Variants in PPP1R12B observed in about 807,000 individuals in gnomAD.
PPP1R12B encodes the protein myosin phosphatase target subunit 2.
Under a neutral mutation model 126.1 loss-of-function variants are expected in PPP1R12B, and 76 were observed. The ratio of observed to expected loss-of-function variants is 0.60; its 90% CI spans 0.50 to 0.73. The LOEUF (loss-of-function observed/expected upper bound fraction) is 0.73. Ranked by LOEUF, PPP1R12B falls within the 30% of genes least tolerant of loss-of-function variation. The pLI, the probability that PPP1R12B is intolerant of heterozygous loss-of-function variation, is 0.00. For synonymous variants in PPP1R12B, 356 were observed against 434.7 expected, an observed-to-expected ratio of 0.82 and a Z score of 2.25; for missense variants, 1,052 against 1,205.1, an observed-to-expected ratio of 0.87 and a Z score of 1.88.
intron 1 of PPP1R12B, among the ~76,000 whole-genome samples, chr1:202,365,185 C>T (rs1370814653): frequency 6.6e-6 from 1 of 152,034 alleles, no homozygotes; most frequent in East Asian, 1.9e-4. Flanking sequence ...TTTAGTGGCT[C>T]ATGCTTGTAA....
At chr1:202,385,206 TC>T (rs1662932421) in intron 1 of PPP1R12B, among the ~76,000 whole-genome samples, 1 of 152,332 alleles carries the variant, frequency 6.6e-6, no homozygotes, top group East Asian at 1.9e-4. Flanking sequence ...CAGAAAATCT[TC>T]CTTAGCATCT....
At chr1:202,471,368 T>G (rs1675855776) in intron 13 of PPP1R12B, among the ~76,000 whole-genome samples, 1 of 151,744 alleles carries the variant, frequency 6.6e-6, no homozygotes, top group South Asian at 2.1e-4. Flanking sequence ...CTTCCCCTAA[T>G]ACTAATGATG....
At chr1:202,536,319 C>A (rs115996624) in intron 18 of PPP1R12B, among the ~76,000 whole-genome samples, 6,517 of 152,188 alleles carry the variant, frequency 0.043, 374 homozygotes, top group African/African-American at 0.13. Context: ...AGGATACAAA[C>A]CTGTACAGCA....
At chr1:202,430,009 G>A (rs138043154) in intron 6 of PPP1R12B, among the ~76,000 whole-genome samples, 1 of 152,302 alleles carries the variant, frequency 6.6e-6, no homozygotes, top group African/African-American at 2.4e-5. Context: ...CTGAAACTAG[G>A]ATTTTCAAAT....
intron 18 of PPP1R12B, among the ~76,000 whole-genome samples, chr1:202,530,945 T>A (rs1333472252): frequency 6.6e-6 from 1 of 152,256 alleles, no homozygotes. Flanking sequence ...GCTGACTCTT[T>A]ACTCTAAAAT....
At chr1:202,467,773 G>A (rs1443583267) in intron 13 of PPP1R12B, among the ~76,000 whole-genome samples, 1 of 152,126 alleles carries the variant, frequency 6.6e-6, no homozygotes, top group African/African-American at 2.4e-5. Flanking sequence ...GGTATTTCTA[G>A]TTCTAGATCC....
At chr1:202,436,835 C>A (rs1415375258) in intron 9 of PPP1R12B, among the ~76,000 whole-genome samples, 1 of 151,826 alleles carries the variant, frequency 6.6e-6, no homozygotes, top group Non-Finnish European at 1.5e-5. Context: ...AAGATAGCAA[C>A]CCTTTGACCT....
intron 18 of PPP1R12B, among the ~76,000 whole-genome samples, chr1:202,507,834 C>A (rs1187963118): frequency 2.0e-5 from 3 of 152,230 alleles, no homozygotes; most frequent in Non-Finnish European, 4.4e-5. Context: ...GTATTCATTT[C>A]TCCTGTTGAT....
chr1:202,471,913 C>T lies in PPP1R12B; in HGVS notation c.1851-16620C>T, dbSNP rs534378389. 17 of 1,596,524 alleles carry T rather than the reference C, an allele frequency of 1.1e-5. No individual in the cohort carries two copies. The South Asian group carries it at 1.8e-4, about 17-fold the overall frequency. Reference sequence around the variant, plus strand: ...CATCCTTCTGTAAGCCTTGCTTTTCCTCCCGTAGGCTGGCAGAGGACAGTG... The same window carrying T: ...CATCCTTCTGTAAGCCTTGCTTTTCTTCCCGTAGGCTGGCAGAGGACAGTG... On this transcript the variant is annotated intron_variant, in intron 13 of 23. Transcript: ENST00000608999.
intron 6 of PPP1R12B, among the ~76,000 whole-genome samples, chr1:202,429,630 A>G (rs1441065452): frequency 1.3e-5 from 2 of 152,162 alleles, no homozygotes; most frequent in Admixed American, 1.3e-4. Context: ...CATATTTTTT[A>G]CTCATAAAGC....
intron 15 of PPP1R12B, among the ~76,000 whole-genome samples, chr1:202,494,361 T>C (rs1214104126): frequency 1.3e-5 from 2 of 152,300 alleles, no homozygotes; most frequent in South Asian, 2.1e-4. Context: ...AAGTAACTTA[T>C]TCAAGGTCAC....
chr1:202,589,497 CAG>C lies in PPP1R12B; in HGVS notation c.*8940_*8941del, dbSNP rs1690025280. 1 of 152,254 alleles carries C rather than the reference CAG, an allele frequency of 6.6e-6. No individual in the cohort carries two copies. The highest frequency in any genetic ancestry group is 1.5e-5 in the Non-Finnish European group (1 of 68,082). 9.4% of individuals were successfully genotyped at this position (152,254 alleles called of 1,614,324 possible). On this transcript the variant is annotated 3_prime_UTR_variant, in exon 24 of 24. Coordinates refer to ENST00000608999, the MANE Select transcript of PPP1R12B (RefSeq NM_002481.4). ...TTCAGTCCTGTCCTGGGGCACAAAA[CAG>C]AGGCAAAGAAGCATGACCGATGCAA... is the stretch of plus-strand genomic sequence containing the variant.
chr1:202,388,194 C>A (rs1166731362), intron 1 of PPP1R12B, among the ~76,000 whole-genome samples: 4 of 150,982 alleles, frequency 2.6e-5, no homozygotes, highest in Non-Finnish European at 5.9e-5. Flanking sequence ...TAAGACTTTT[C>A]TTTTTTTGAG....
At chr1:202,417,600 A>G (rs1446369114) in intron 2 of PPP1R12B, among the ~76,000 whole-genome samples, 1 of 152,248 alleles carries the variant, frequency 6.6e-6, no homozygotes, top group East Asian at 1.9e-4. Context: ...ATTTTTAAAC[A>G]AGGAAACATC....
chr1:202,495,452 A>T lies in PPP1R12B; in HGVS notation c.2305A>T (p.Thr769Ser). 2 of 1,607,972 alleles carry T rather than the reference A, an allele frequency of 1.2e-6. No individual in the cohort carries two copies. Among genetic ancestry groups the T allele is most frequent in the Non-Finnish European group, 1.7e-6 (2 of 1,177,048 alleles). ...TGAGAGTTCAGAGACTACCACAAACACTACAACTGCAAAGGAAATGGACAA... is the reference window on the plus strand; with the variant it reads ...TGAGAGTTCAGAGACTACCACAAACTCTACAACTGCAAAGGAAATGGACAA... ...DSESSETTTN[T>S]TTAKEMDKNE... is the part of the protein sequence containing the mutation. The change falls in exon 16 of 24, where the codon ACT (threonine) becomes TCT (serine). Residue 769 changes from threonine to serine, a missense_variant. Physicochemically the swap from Thr to Ser is moderately conservative, Grantham distance 58. Transcript: ENST00000608999.
chr1:202,351,859 A>C (rs1656074414), intron 1 of PPP1R12B, among the ~76,000 whole-genome samples: 1 of 152,156 alleles, frequency 6.6e-6, no homozygotes, highest in South Asian at 2.1e-4. Flanking sequence ...GATGATTTGC[A>C]CTGCAGCTTG....
chr1:202,571,952 T>C (rs1012252108), intron 23 of PPP1R12B, among the ~76,000 whole-genome samples: 1 of 152,220 alleles, frequency 6.6e-6, no homozygotes, highest in Admixed American at 6.5e-5. Flanking sequence ...GAGAAGCATC[T>C]GTGCCTCTGC....
intron 13 of PPP1R12B, among the ~76,000 whole-genome samples, chr1:202,467,648 A>C (rs1350887689): frequency 2.0e-5 from 3 of 152,134 alleles, no homozygotes; most frequent in African/African-American, 4.8e-5. Context: ...GTTGGTTCCA[A>C]GTCTTTGCTA....
Position 202,419,200 on chromosome 1 carries a change from G to A in PPP1R12B, c.422+2283G>A, listed in dbSNP as rs1247669122. On this transcript the variant is annotated intron_variant, in intron 2 of 23. Transcript: ENST00000608999. This position sits in a 1 kb window ranked among gnomAD's most constrained non-coding sequence, Gnocchi z 4.6. ...TTATGAATAAATGTTTCACTTAGAAGCAGCAGATTGACCCAAACATACATC... is the reference window on the plus strand; with the variant it reads ...TTATGAATAAATGTTTCACTTAGAAACAGCAGATTGACCCAAACATACATC... Among the ~76,000 whole-genome samples, 2 of 152,120 alleles carry A rather than the reference G, an allele frequency of 1.3e-5. No homozygotes were observed. The highest frequency in any genetic ancestry group is 2.9e-5 in the Non-Finnish European group (2 of 68,024).
Sources: allele counts gnomAD v4.1 joint callset (sites outside exome capture counted in the v4.1 genomes callset), GRCh38; gene constraint gnomAD v4.1.1; non-coding constraint Gnocchi (gnomAD v3.1); transcripts MANE v1.5; gene names NCBI Gene and HGNC (gene_info 2026-07-23, HGNC 2026-07-21).